The following ARHGAP10 variants were observed in gnomAD, a reference collection of about 807,000 sequenced individuals.
The protein encoded by ARHGAP10 is rho GTPase-activating protein 10.
ARHGAP10 carries 87 observed loss-of-function variants against 108.6 expected under a neutral mutation model. The ratio of observed to expected loss-of-function variants is 0.80; its 90% CI spans 0.67 to 0.96. The LOEUF (loss-of-function observed/expected upper bound fraction) is 0.96, where lower values mean the gene tolerates loss of function less well. ARHGAP10 is among the 40% of genes least tolerant of loss of function. The probability of loss-of-function intolerance (pLI) is 0.00; values close to 1 mark genes in which losing one functional copy is unlikely to be tolerated. For missense variants in ARHGAP10, 939 were observed against 954.5 expected, an observed-to-expected ratio of 0.98 and a Z score of 0.21; for synonymous variants, 347 against 341.1, an observed-to-expected ratio of 1.02 and a Z score of -0.19.
At chr4:147,794,558 C>A (rs1731240526) in intron 1 of ARHGAP10, among the ~76,000 whole-genome samples, 2 of 152,154 alleles carry the variant, frequency 1.3e-5, no homozygotes, top group Admixed American at 1.3e-4. Context: ...GGCTTCAAAG[C>A]CCCCAAGAAC....
chr4:147,943,387 G>A (rs1738233722), intron 14 of ARHGAP10, among the ~76,000 whole-genome samples: 1 of 152,154 alleles, frequency 6.6e-6, no homozygotes, highest in South Asian at 2.1e-4. Flanking sequence ...ATAGATTGGG[G>A]AAAAAAGTGA....
chr4:148,020,156 A>G (rs1741511349), intron 18 of ARHGAP10, among the ~76,000 whole-genome samples: 1 of 152,222 alleles, frequency 6.6e-6, no homozygotes, highest in African/African-American at 2.4e-5. Context: ...TTCAGCCTAT[A>G]CAACATAGAG....
At chr4:147,833,248 A>G (rs1733025214) in intron 3 of ARHGAP10, among the ~76,000 whole-genome samples, 1 of 152,044 alleles carries the variant, frequency 6.6e-6, no homozygotes, top group Non-Finnish European at 1.5e-5. Flanking sequence ...ACCTGGTGGG[A>G]GGTGATTGGG....
At position 147,857,605 on chromosome 4, in the gene ARHGAP10, A is replaced by T; in HGVS notation, c.437A>T (p.Asp146Val). The T allele has an allele frequency of 6.7e-7, 1 of 1,488,742 alleles. No homozygotes were observed. The allele number at this position is 1,488,742 out of a possible 1,614,324, so 92.2% of individuals were successfully genotyped here. ...ACAGAAAAGAATTATAGTCTAATTG[A>T]TAAACATTTGAATTTATCAGCAAAA... ...KETEKNYSLIDKHLNLSAKKK... is the reference protein window; with the variant it reads ...KETEKNYSLIVKHLNLSAKKK... Residue 146 changes from aspartate to valine, a missense_variant, in exon 5 of 23, where the codon GAT (aspartate) becomes GTT (valine). Asp to Val is a radical substitution (Grantham distance 152). Coordinates refer to ENST00000336498, the MANE Select transcript of ARHGAP10 (RefSeq NM_024605.4).
intron 10 of ARHGAP10, among the ~76,000 whole-genome samples, chr4:147,903,222 C>T (rs1379702872): frequency 1.3e-5 from 2 of 152,192 alleles, no homozygotes; most frequent in Non-Finnish European, 2.9e-5. Context: ...GATCTTAGCT[C>T]CTCCAGAGTG....
intron 1 of ARHGAP10, among the ~76,000 whole-genome samples, chr4:147,821,384 C>T (rs1224536961): frequency 6.6e-6 from 1 of 152,136 alleles, no homozygotes; most frequent in Non-Finnish European, 1.5e-5. Flanking sequence ...GCTTGCAATC[C>T]ATCCCATTTC....
chr4:147,876,680 A>G (rs1339482593), intron 8 of ARHGAP10, among the ~76,000 whole-genome samples: 1 of 152,212 alleles, frequency 6.6e-6, no homozygotes, highest in Non-Finnish European at 1.5e-5. Flanking sequence ...GCCCAAGTGA[A>G]AATCACAGGA....
intron 4 of ARHGAP10, among the ~76,000 whole-genome samples, chr4:147,857,252 G>A (rs980470811): frequency 6.6e-6 from 1 of 152,188 alleles, no homozygotes; most frequent in Non-Finnish European, 1.5e-5. Flanking sequence ...CATTCGGTTG[G>A]TGAGGGGTGA....
At chr4:148,005,262 G>A (rs1420518104) in intron 18 of ARHGAP10, among the ~76,000 whole-genome samples, 6 of 152,092 alleles carry the variant, frequency 3.9e-5, no homozygotes, top group African/African-American at 2.4e-5. Flanking sequence ...GTGTGGAACC[G>A]TATCTACTAG....
At chr4:147,824,403 G>A (rs1475504042) in intron 3 of ARHGAP10, among the ~76,000 whole-genome samples, 1 of 152,226 alleles carries the variant, frequency 6.6e-6, no homozygotes, top group East Asian at 1.9e-4. Flanking sequence ...GTAAGTGTAT[G>A]AGTGGGTCTA....
chr4:147,839,853 T>C (rs747202468), intron 3 of ARHGAP10, among the ~76,000 whole-genome samples: 9 of 152,242 alleles, frequency 5.9e-5, no homozygotes, highest in Non-Finnish European at 1.0e-4. Context: ...TCCGAATGTC[T>C]GACGAAAAAG....
intron 1 of ARHGAP10, among the ~76,000 whole-genome samples, chr4:147,793,706 A>G (rs1731210389): frequency 6.6e-6 from 1 of 152,236 alleles, no homozygotes; most frequent in South Asian, 2.1e-4. Context: ...CAGGGAGTTA[A>G]CATAATGCGG....
In ARHGAP10 at chr4:147,946,599, T is replaced by C. The variant is rs573355575; in HGVS notation, c.1304-18T>C. On this transcript the variant is annotated intron_variant, in intron 14 of 22. Coordinates refer to ENST00000336498, the MANE Select transcript of ARHGAP10 (RefSeq NM_024605.4). ...ATCAAGGTTTTAATTATTTTTTTCT[T>C]GTTTGCTTGCTCACTAGATGTAAAA... 2 of 1,606,482 alleles carry C rather than the reference T, an allele frequency of 1.2e-6. No individual in the cohort carries two copies. Among genetic ancestry groups the C allele is most frequent in the African/African-American group, 2.7e-5 (2 of 74,632 alleles).
At chr4:148,044,063 T>A (rs1362824054) in intron 19 of ARHGAP10, among the ~76,000 whole-genome samples, 4 of 152,056 alleles carry the variant, frequency 2.6e-5, no homozygotes, top group Non-Finnish European at 5.9e-5. Context: ...TTGATCAGGC[T>A]GTGTCAACAT....
In ARHGAP10 at chr4:147,913,079, C is replaced by A. The variant is rs1240298489; in HGVS notation, c.1168C>A (p.Gln390Lys). 1.9e-6 allele frequency: 3 copies of A among 1,613,028 alleles called. No homozygotes were observed. Among genetic ancestry groups the A allele is most frequent in the African/African-American group, 2.7e-5 (2 of 74,848 alleles). ...TTTTAAACTGTTTCTTGTAGATGCA[C>A]AGTTGGATAAGATGGGGTTCACAAT... ...AIIPRPEGNA[Q>K]LDKMGFTIIR... is the part of the protein sequence containing the mutation. Residue 390 changes from glutamine to lysine, a missense_variant, in exon 13 of 23, where the codon CAG becomes AAG. Coordinates refer to ENST00000336498, the MANE Select transcript of ARHGAP10 (RefSeq NM_024605.4).
intron 1 of ARHGAP10, among the ~76,000 whole-genome samples, chr4:147,753,915 G>T (rs1729267033): frequency 6.6e-6 from 1 of 152,166 alleles, no homozygotes; most frequent in South Asian, 2.1e-4. Context: ...AACAAATTGA[G>T]CAAAGATGAT....
chr4:147,770,111 A>C (rs1225104652), intron 1 of ARHGAP10, among the ~76,000 whole-genome samples: 1 of 152,192 alleles, frequency 6.6e-6, no homozygotes, highest in Non-Finnish European at 1.5e-5. Context: ...GCCACCACTG[A>C]CTTAGACCAG....
intron 1 of ARHGAP10, among the ~76,000 whole-genome samples, chr4:147,761,363 T>C (rs1729582796): frequency 1.3e-5 from 2 of 152,174 alleles, no homozygotes; most frequent in African/African-American, 4.8e-5. Context: ...AAAAATCTTT[T>C]CTAGGTTTTT....
chr4:147,875,013 C>A lies in ARHGAP10; in HGVS notation c.703-8C>A. The stretch of plus-strand genomic sequence containing the variant: ...TAACATTTATGTGTGTTTTTTAATC[C>A]ATTTCAGACACGGAATCGATTTGAA... On this transcript the variant is annotated splice_polypyrimidine_tract_variant and splice_region_variant and intron_variant, in intron 7 of 22. Transcript: ENST00000336498. 6.4e-7 allele frequency: 1 copy of A among 1,565,258 alleles called. No homozygotes were observed. Among genetic ancestry groups the A allele is most frequent in the Admixed American group, 2.1e-5 (1 of 47,168 alleles).
Sources: gnomAD v4.1 joint callset for allele counts (sites outside exome capture counted in the v4.1 genomes callset) on GRCh38, gnomAD v4.1.1 for gene constraint, MANE v1.5 for transcripts, NCBI Gene and HGNC (gene_info 2026-07-23, HGNC 2026-07-21) for gene names.